The following VPS13B variants were observed in gnomAD, a reference collection of about 807,000 sequenced individuals.
The protein encoded by VPS13B is intermembrane lipid transfer protein VPS13B.
Under a neutral mutation model 426.4 loss-of-function variants are expected in VPS13B, and 285 were observed. That is an observed-to-expected ratio of 0.67 (90% CI 0.61 to 0.74). The LOEUF is 0.74. VPS13B is among the 30% of genes least tolerant of loss of function. VPS13B has a pLI of 0.00. For missense variants in VPS13B, 4,537 were observed against 4,782.6 expected, an observed-to-expected ratio of 0.95 and a Z score of 1.51; for synonymous variants, 1,676 against 1,676.4, an observed-to-expected ratio of 1.00 and a Z score of 0.01.
intron 47 of VPS13B, 87 bp downstream of exon 47, chr8:99,818,975 A>AGGGGGGGGGGT: frequency 7.5e-6 from 1 of 133,542 alleles, no homozygotes; most frequent in South Asian, 5.1e-5. Flanking sequence ...GCGGCGGGGG[A>AGGGGGGGGGGT]GGGGTGGGTA....
chr8:99,779,131 A>C, intron 42 of VPS13B, 100 bp downstream of exon 42: 1 of 1,154,532 alleles, frequency 8.7e-7, no homozygotes, highest in Non-Finnish European at 1.3e-6. Flanking sequence ...ACAAACAAAA[A>C]TGTTAGAGAA....
At chr8:99,770,638 A>G (rs1811440510) in intron 40 of VPS13B, among the ~76,000 whole-genome samples, 1 of 152,234 alleles carries the variant, frequency 6.6e-6, no homozygotes, top group Non-Finnish European at 1.5e-5. Context: ...GTAGAGGAAC[A>G]CAGCTAATGT....
intron 2 of VPS13B, among the ~76,000 whole-genome samples, chr8:99,028,115 T>G (rs1054316947): frequency 2.6e-5 from 4 of 152,200 alleles, no homozygotes; most frequent in Admixed American, 2.6e-4. Flanking sequence ...TCTACTTCTC[T>G]CCACACAGAC....
chr8:99,427,394 C>A (rs1186810204), intron 21 of VPS13B, among the ~76,000 whole-genome samples: 5 of 145,106 alleles, frequency 3.4e-5, no homozygotes, highest in Non-Finnish European at 7.5e-5. Flanking sequence ...CTTGGCAATG[C>A]GGGCTCTTTT....
intron 23 of VPS13B, among the ~76,000 whole-genome samples, chr8:99,461,760 A>T (rs1002287346): frequency 3.7e-4 from 56 of 152,258 alleles, no homozygotes; most frequent in Middle Eastern, 3.4e-3. Context: ...GAAAGGCCTT[A>T]CTGGAGTATC....
At chr8:99,052,802 T>A (rs987198212) in intron 3 of VPS13B, among the ~76,000 whole-genome samples, 36 of 152,254 alleles carry the variant, frequency 2.4e-4, no homozygotes, top group Non-Finnish European at 4.6e-4. Flanking sequence ...CTTCTAGATT[T>A]TCTAGTTTAT....
Position 99,279,975 on chromosome 8 carries a change from T to C in VPS13B, c.2824+4721T>C, listed in dbSNP as rs573828513. Among the ~76,000 whole-genome samples, 4 of 152,282 alleles carry C rather than the reference T, an allele frequency of 2.6e-5. No individual in the cohort carries two copies. The South Asian group carries it at 8.3e-4, about 32-fold the overall frequency. ...TAGTAGAGACAGGGTTTCACTGTGT[T>C]AGCCAGGAAGGTCTCGATCTCCTGA... On this transcript the variant is annotated intron_variant, in intron 19 of 61. Transcript: ENST00000357162.
At chr8:99,777,591 T>A (rs1811808284) in intron 41 of VPS13B, among the ~76,000 whole-genome samples, 2 of 152,194 alleles carry the variant, frequency 1.3e-5, no homozygotes, top group Admixed American at 6.5e-5. Context: ...CAGATCCCTT[T>A]GAAAGAAATA....
intron 21 of VPS13B, among the ~76,000 whole-genome samples, chr8:99,393,614 T>G (rs980744654): frequency 6.6e-6 from 1 of 152,154 alleles, no homozygotes; most frequent in East Asian, 1.9e-4. Context: ...ATATTCTTAC[T>G]CAAGCTTGCA....
chr8:99,442,056 G>GTTC (rs1165460156), intron 22 of VPS13B, among the ~76,000 whole-genome samples: 1 of 152,094 alleles, frequency 6.6e-6, no homozygotes, highest in Non-Finnish European at 1.5e-5. Flanking sequence ...ATGCTAGGTA[G>GTTC]TTCTAGGCCT....
At chr8:99,357,489 G>A (rs2133226577) in intron 19 of VPS13B, among the ~76,000 whole-genome samples, 1 of 152,078 alleles carries the variant, frequency 6.6e-6, no homozygotes, top group Non-Finnish European at 1.5e-5. Context: ...TCTTTTCATA[G>A]CATCTGTCCC....
intron 12 of VPS13B, among the ~76,000 whole-genome samples, chr8:99,138,012 G>A (rs1011872516): frequency 6.6e-6 from 1 of 152,084 alleles, no homozygotes; most frequent in African/African-American, 2.4e-5. Context: ...AAGCCTGGGA[G>A]TCATCATGAC....
intron 31 of VPS13B, among the ~76,000 whole-genome samples, chr8:99,570,743 G>C (rs1020384977): frequency 6.6e-6 from 1 of 151,988 alleles, no homozygotes; most frequent in Non-Finnish European, 1.5e-5. Context: ...GTCTGTATTA[G>C]AAGCTTATCT....
At chr8:99,493,067 G>A (rs1315707298) in intron 25 of VPS13B, among the ~76,000 whole-genome samples, 4 of 152,012 alleles carry the variant, frequency 2.6e-5, no homozygotes, top group South Asian at 4.1e-4. Context: ...TAATTATATC[G>A]ATTGATTTTC....
intron 24 of VPS13B, among the ~76,000 whole-genome samples, chr8:99,470,094 C>A (rs1033111594): frequency 2.6e-5 from 4 of 152,130 alleles, no homozygotes; most frequent in African/African-American, 9.7e-5. Context: ...TTGTTTTAAG[C>A]CACCGAGTTT....
intron 31 of VPS13B, among the ~76,000 whole-genome samples, chr8:99,562,826 T>C (rs769888564): frequency 6.6e-6 from 1 of 152,158 alleles, no homozygotes; most frequent in Non-Finnish European, 1.5e-5. Context: ...GTCACCCTCA[T>C]CAAAAATTGA....
chr8:99,049,599 G>C (rs1843421093), intron 3 of VPS13B, among the ~76,000 whole-genome samples: 1 of 151,426 alleles, frequency 6.6e-6, no homozygotes, highest in Non-Finnish European at 1.5e-5. Context: ...CAGCTCTTAA[G>C]ATTCTTTTCT....
rs1027850725 is a variant in VPS13B at position 99,737,799 on chromosome 8, G to A, written c.7050+16752G>A. Among the ~76,000 whole-genome samples, 4 of 152,326 alleles carry A rather than the reference G, an allele frequency of 2.6e-5. No homozygotes were observed. The South Asian group carries it at 8.3e-4, about 32-fold the overall frequency. ...AAGAGATATTCAGAATGCTGCTAAA[G>A]CAGCTAAATCATATGTTGGTTTTAG... On this transcript the variant is annotated intron_variant, in intron 39 of 61. Transcript: ENST00000357162.
At chr8:99,136,633 T>A (rs775045751) in intron 11 of VPS13B, 32 bp from the exon 12 acceptor site, 3 of 1,610,236 alleles carry the variant, frequency 1.9e-6, no homozygotes. Flanking sequence ...TTTTATACAA[T>A]GTTTATTCTG....
Sources: gnomAD v4.1 joint callset for allele counts (sites outside exome capture counted in the v4.1 genomes callset) on GRCh38, gnomAD v4.1.1 for gene constraint, MANE v1.5 for transcripts, NCBI Gene and HGNC (gene_info 2026-07-23, HGNC 2026-07-21) for gene names.